PLB1: variants seen among roughly 807,000 people sequenced by gnomAD.
PLB1 encodes phospholipase B1, also known as phospholipase B1, membrane-associated.
PLB1 carries 242 observed loss-of-function variants against 227.4 expected under a neutral mutation model. The observed-to-expected ratio is 1.06, with a 90% CI of 0.96 to 1.18. The LOEUF (loss-of-function observed/expected upper bound fraction) is 1.18, where lower values mean the gene tolerates loss of function less well. Among genes scored for constraint, PLB1 ranks in the 50% most tolerant of loss-of-function variants. The pLI, the probability that PLB1 is intolerant of heterozygous loss-of-function variation, is 0.00. For missense variants in PLB1, 1,858 were observed against 1,816.3 expected (o/e 1.02, Z -0.42); for synonymous variants, 757 against 682.2 (o/e 1.11, Z -1.71).
intron 1 of PLB1, among the ~76,000 whole-genome samples, chr2:28,497,002 A>C (rs373739879): frequency 6.6e-6 from 1 of 152,224 alleles, no homozygotes; most frequent in East Asian, 1.9e-4. Flanking sequence ...GGGGCAAGTC[A>C]GTTACCGCTC....
Position 28,606,586 on chromosome 2 carries a change from C to T in PLB1, c.3129+19C>T. 1.2e-6 allele frequency: 2 copies of T among 1,609,638 alleles called. No individual in the cohort carries two copies. Among genetic ancestry groups the T allele is most frequent in the African/African-American group, 1.3e-5 (1 of 74,948 alleles). On this transcript the variant is annotated intron_variant, in intron 43 of 57. Transcript: ENST00000327757. ...CACTCAGGTAGTAGGGGAGGACCTG[C>T]CTGGCTCCTCTCCACAAACCAGGGC...
chr2:28,543,404 T>A, intron 14 of PLB1, 136 bp downstream of exon 14: 1 of 902,654 alleles, frequency 1.1e-6, no homozygotes, highest in Non-Finnish European at 1.6e-6. Context: ...CCAGGGATGC[T>A]TCTGTCTCCC....
chr2:28,525,645 G>A (rs1670144342), intron 5 of PLB1, among the ~76,000 whole-genome samples: 1 of 152,122 alleles, frequency 6.6e-6, no homozygotes, highest in East Asian at 1.9e-4. Context: ...ATTCTACCCT[G>A]GGGTCAGTTT....
rs534337054 is a variant in PLB1, at chr2:28,627,317, G to A, written c.3660+809G>A. The stretch of plus-strand genomic sequence containing the variant: ...GTGACCCTAACTCATGGGGATTTAA[G>A]TATTGCTGTGTTCTGGACTCCGGGG... On this transcript the variant is annotated intron_variant, in intron 51 of 57. Transcript: ENST00000327757. Among the ~76,000 whole-genome samples, 28 of 116,106 alleles carry A rather than the reference G, an allele frequency of 2.4e-4. No individual in the cohort carries two copies. In the East Asian group the frequency reaches 5.7e-3, roughly 24 times the overall value. 76.2% of individuals were successfully genotyped at this position (116,106 alleles called of 152,430 possible).
chr2:28,581,606 G>A (rs1375458304), intron 23 of PLB1, among the ~76,000 whole-genome samples: 1 of 152,072 alleles, frequency 6.6e-6, no homozygotes, highest in Non-Finnish European at 1.5e-5. Flanking sequence ...TCATGGGGCT[G>A]GTGTCCAGGC....
At chr2:28,516,979 G>C in intron 2 of PLB1, 110 bp downstream of exon 2, 1 of 1,060,534 alleles carries the variant, frequency 9.4e-7, no homozygotes, top group South Asian at 1.4e-5. Flanking sequence ...CCCTTCCTGA[G>C]GCCTTGAGGG....
chr2:28,620,355 C>T lies in PLB1; in HGVS notation c.3383+23C>T, dbSNP rs370613811. ...GAGGTGAGGATGTTCTTGATGCATG[C>T]TCTATTGATGATGCTCTCTCAGAGA... On this transcript the variant is annotated intron_variant, in intron 47 of 57. Transcript: ENST00000327757. The T allele has an allele frequency of 2.9e-4, 456 of 1,569,600 alleles. 1 individual carries two copies. The highest frequency in any genetic ancestry group is 1.0e-3 in the Middle Eastern group (6 of 5,968).
At chr2:28,557,218 G>A (rs1675283004) in intron 17 of PLB1, among the ~76,000 whole-genome samples, 1 of 152,030 alleles carries the variant, frequency 6.6e-6, no homozygotes. Context: ...CTAAAACTTC[G>A]AGATCTGTAA....
chr2:28,588,961 C>A (rs1329647424), intron 26 of PLB1, among the ~76,000 whole-genome samples: 1 of 151,860 alleles, frequency 6.6e-6, no homozygotes. Flanking sequence ...GTCAGGAGTT[C>A]GAGACCAGCC....
At chr2:28,520,880 C>T (rs1669440072) in intron 4 of PLB1, among the ~76,000 whole-genome samples, 2 of 152,234 alleles carry the variant, frequency 1.3e-5, no homozygotes, top group South Asian at 4.1e-4. Context: ...GAGGCTGAGG[C>T]AGGAGAATCG....
chr2:28,623,054 T>C (rs1350595467), intron 49 of PLB1, among the ~76,000 whole-genome samples: 1 of 151,644 alleles, frequency 6.6e-6, no homozygotes, highest in Non-Finnish European at 1.5e-5. Flanking sequence ...TCGCATGGAG[T>C]ACAATTAAGA....
chr2:28,582,164 T>A (rs1680137366), intron 24 of PLB1, 31 bp downstream of exon 24: 1 of 1,599,516 alleles, frequency 6.3e-7, no homozygotes. Context: ...GGCCTGCATC[T>A]TAGACCTCAG....
In PLB1 at chr2:28,525,911, A is replaced by G. The variant is rs1670185735; in HGVS notation, c.291A>G (p.Glu97=). The G allele has an allele frequency of 4.3e-6, 7 of 1,613,962 alleles. No individual in the cohort carries two copies. Among genetic ancestry groups the G allele is most frequent in the Non-Finnish European group, 5.9e-6 (7 of 1,180,000 alleles). The change falls in exon 6 of 58, where the codon GAA becomes GAG. Residue 97 remains glutamate (E), a synonymous_variant. Transcript: ENST00000327757. The stretch of plus-strand genomic sequence containing the variant: ...TGCCTGCTTCTACCTGCAGGACTGA[A>G]AGGCCACAGCAGGTGTGCATGGGAG... The part of the protein sequence containing the change: ...TGDLEKQDWT[E]RPQQVCMGVM...
intron 56 of PLB1, among the ~76,000 whole-genome samples, chr2:28,636,031 G>GTATGAATGTGTGTA (rs1558975441): frequency 3.2e-5 from 4 of 124,976 alleles, no homozygotes; most frequent in South Asian, 2.8e-4. Context: ...GTGTGTGTAT[G>GTATGAATGTGTGTA]TGTGTGTGTG....
intron 56 of PLB1, among the ~76,000 whole-genome samples, chr2:28,640,695 T>C (rs1034768774): frequency 1.3e-5 from 2 of 152,164 alleles, no homozygotes; most frequent in Non-Finnish European, 2.9e-5. Flanking sequence ...GGGCACAGAC[T>C]CAGGGTTCTG....
At chr2:28,620,215 G>C in intron 46 of PLB1, 50 bp from the exon 47 acceptor site, 1 of 1,359,192 alleles carries the variant, frequency 7.4e-7, no homozygotes, top group Non-Finnish European at 1.0e-6. Flanking sequence ...GGCTCTTCCA[G>C]TGCCCTCAGC....
chr2:28,541,217 G>A lies in PLB1; in HGVS notation c.775-490G>A, dbSNP rs146027892. Among the ~76,000 whole-genome samples, 98 of 147,410 alleles carry A rather than the reference G, an allele frequency of 6.6e-4. 1 individual carries two copies. The highest frequency in any genetic ancestry group is 1.1e-3 in the Non-Finnish European group (72 of 67,940). ...AATAAATAAATAAATAAGGGCGAAGGGCTCAATGAAAGCCACCATCCCTCT... is the reference window on the plus strand; with the variant it reads ...AATAAATAAATAAATAAGGGCGAAGAGCTCAATGAAAGCCACCATCCCTCT... On this transcript the variant is annotated intron_variant, in intron 12 of 57. Coordinates refer to ENST00000327757, the MANE Select transcript of PLB1 (RefSeq NM_153021.5).
chr2:28,624,566 G>A (rs1011223962), intron 49 of PLB1, among the ~76,000 whole-genome samples: 16 of 152,028 alleles, frequency 1.1e-4, no homozygotes, highest in Admixed American at 5.2e-4. Flanking sequence ...GGAATGGTGC[G>A]GAAATCTAAG....
Position 28,578,952 on chromosome 2 carries a change from C to T in PLB1, c.1486-675C>T, listed in dbSNP as rs908801876. Among the ~76,000 whole-genome samples the T allele has an allele frequency of 7.2e-5, 11 of 152,158 alleles. No individual in the cohort carries two copies. In the South Asian group the frequency reaches 8.3e-4, roughly 11 times the overall value. ...GGGCAATATAAGAGGCTTGCAGGGC[C>T]GTGGCTGCCCTGGGGCCATAGTTTA... On this transcript the variant is annotated intron_variant, in intron 22 of 57. Transcript: ENST00000327757.
Sources: gnomAD v4.1 joint callset for allele counts (sites outside exome capture counted in the v4.1 genomes callset) on GRCh38, gnomAD v4.1.1 for gene constraint, MANE v1.5 for transcripts, NCBI Gene and HGNC (gene_info 2026-07-23, HGNC 2026-07-21) for gene names.